Variants in NUP98 observed in about 807,000 individuals in gnomAD.
NUP98 encodes the protein nucleoporin 98 and 96 precursor, also known as nuclear pore complex protein Nup98-Nup96.
In NUP98, 26 loss-of-function variants were observed where a neutral mutation model predicts 191.9. That is an observed-to-expected ratio of 0.14 (90% CI 0.10 to 0.19). The LOEUF (loss-of-function observed/expected upper bound fraction) is 0.19, where lower values mean the gene tolerates loss of function less well. Ranked by LOEUF, NUP98 falls within the 10% of genes least tolerant of loss-of-function variation. NUP98 has a pLI of 1.00. For missense variants in NUP98, 1,941 were observed against 2,178.8 expected, an observed-to-expected ratio of 0.89 and a Z score of 2.17; for synonymous variants, 808 against 778.4, an observed-to-expected ratio of 1.04 and a Z score of -0.63.
At chr11:3,712,842 C>A in intron 19 of NUP98, 114 bp from the exon 20 acceptor site, 1 of 1,142,318 alleles carries the variant, frequency 8.8e-7, no homozygotes, top group South Asian at 1.5e-5. Context: ...GGAGAAATAT[C>A]TAAGTATTTA....
At chr11:3,768,832 G>T in intron 7 of NUP98, 88 bp from the exon 8 acceptor site, 1 of 1,040,200 alleles carries the variant, frequency 9.6e-7, no homozygotes, top group Non-Finnish European at 1.3e-6. Flanking sequence ...TTATCCAGTT[G>T]TTGTAATAGT....
chr11:3,756,568 A>G (rs1271786007), intron 10 of NUP98, among the ~76,000 whole-genome samples: 1 of 151,878 alleles, frequency 6.6e-6, no homozygotes. Flanking sequence ...GATTACAGGC[A>G]TGCACCACCA....
intron 13 of NUP98, among the ~76,000 whole-genome samples, chr11:3,732,320 T>G (rs909817822): frequency 2.6e-5 from 4 of 152,242 alleles, no homozygotes; most frequent in Non-Finnish European, 5.9e-5. Flanking sequence ...CATATTAATA[T>G]ATCTTGTCCA....
chr11:3,796,894 T>A (rs1451975572), intron 1 of NUP98, among the ~76,000 whole-genome samples: 1 of 152,226 alleles, frequency 6.6e-6, no homozygotes, highest in Non-Finnish European at 1.5e-5. Context: ...AACCTTTTGC[T>A]CCACCGAACC....
intron 25 of NUP98, among the ~76,000 whole-genome samples, chr11:3,698,308 T>C (rs867198649): frequency 2.0e-5 from 3 of 152,212 alleles, no homozygotes; most frequent in Middle Eastern, 3.2e-3. Flanking sequence ...CAGTGAGTAG[T>C]AGTCACAGGA....
intron 5 of NUP98, among the ~76,000 whole-genome samples, chr11:3,775,272 G>C (rs1181136044): frequency 6.6e-6 from 1 of 152,182 alleles, no homozygotes; most frequent in Non-Finnish European, 1.5e-5. Flanking sequence ...GCTCATGCCT[G>C]TAATCCCAAC....
chr11:3,702,339 T>C lies in NUP98; in HGVS notation c.3512+124A>G, dbSNP rs865918609. On this transcript the variant is annotated intron_variant, in intron 23 of 32. Transcript: ENST00000324932. The stretch of plus-strand genomic sequence containing the variant: ...CTCTCTCTCTCTCTCTCTCTCTCTC[T>C]CTCTCTCTCTCTCTCTCTCTCTCTC... 1.8e-5 allele frequency: 7 copies of C among 386,796 alleles called. No individual in the cohort carries two copies. The Admixed American group carries it at 1.9e-4, about 10-fold the overall frequency. 24.0% of individuals were successfully genotyped at this position (386,796 alleles called of 1,614,324 possible). A position where few individuals can be genotyped will look rare whatever the true frequency, so the allele number is the denominator to read the frequency against.
intron 20 of NUP98, 188 bp downstream of exon 20, chr11:3,712,376 C>A: frequency 7.2e-7 from 1 of 1,390,460 alleles, no homozygotes; most frequent in Non-Finnish European, 9.3e-7. Flanking sequence ...TTCTTTAAAT[C>A]TCTCCAGTAA....
intron 11 of NUP98, among the ~76,000 whole-genome samples, chr11:3,752,797 T>C (rs931894794): frequency 1.6e-4 from 24 of 152,148 alleles, no homozygotes; most frequent in African/African-American, 5.3e-4. Flanking sequence ...GCTGGGCAGG[T>C]AGAAGGGTCA....
chr11:3,756,693 A>T (rs562031358), intron 10 of NUP98, among the ~76,000 whole-genome samples: 1 of 152,172 alleles, frequency 6.6e-6, no homozygotes, highest in South Asian at 2.1e-4. Flanking sequence ...AAGTGCTGGG[A>T]TTACAGGCGT....
intron 16 of NUP98, among the ~76,000 whole-genome samples, chr11:3,722,925 A>C (rs2079458594): frequency 6.6e-6 from 1 of 152,190 alleles, no homozygotes; most frequent in Non-Finnish European, 1.5e-5. Flanking sequence ...TTTAGACTAC[A>C]CCAGGATAAT....
chr11:3,773,662 A>G lies in NUP98; in HGVS notation c.573T>C (p.Ala191=), dbSNP rs1332366971. The stretch of plus-strand genomic sequence containing the variant: ...GTGACTTGCTTTCATATTCTTTCAT[A>G]GCAGTAATACACTGGTGCTTGGTAC... ...NISTKHQCIT[A]MKEYESKSLE... Residue 191 remains alanine, a synonymous_variant, in exon 6 of 33, where the codon GCT becomes GCC. Coordinates refer to ENST00000324932, the MANE Select transcript of NUP98 (RefSeq NM_016320.5). 1.9e-6 allele frequency: 3 copies of G among 1,610,698 alleles called. No individual in the cohort carries two copies. The highest frequency in any genetic ancestry group is 2.5e-6 in the Non-Finnish European group (3 of 1,177,394).
In NUP98 at chr11:3,709,885, A is replaced by C. The variant is rs930525043; in HGVS notation, c.2742+2679T>G. Reference sequence around the variant, plus strand: ...TATACCTAATGCTAAATGACGAGTTAATGGGTGCAGCACAGCAGCATGGCA... The same window carrying C: ...TATACCTAATGCTAAATGACGAGTTCATGGGTGCAGCACAGCAGCATGGCA... On this transcript the variant is annotated intron_variant, in intron 20 of 32. Transcript: ENST00000324932. Among the ~76,000 whole-genome samples the C allele has an allele frequency of 6.7e-5, 10 of 148,944 alleles. No individual in the cohort carries two copies. In the East Asian group the frequency reaches 1.8e-3, roughly 27 times the overall value.
Position 3,740,177 on chromosome 11 carries a change from T to C in NUP98, c.1408+4332A>G, listed in dbSNP as rs141384485. On this transcript the variant is annotated intron_variant, in intron 12 of 32. Coordinates refer to ENST00000324932, the MANE Select transcript of NUP98 (RefSeq NM_016320.5). ...GTCTAGGGACTTCAGAATACCAGGTTTGATGAAGTAGAATTGAAAACAGGA... is the reference window on the plus strand; with the variant it reads ...GTCTAGGGACTTCAGAATACCAGGTCTGATGAAGTAGAATTGAAAACAGGA... 1.2e-3 allele frequency among the ~76,000 whole-genome samples: 188 copies of C among 152,104 alleles called. 2 individuals are homozygous for C. The highest frequency in any genetic ancestry group is 4.3e-3 in the African/African-American group (179 of 41,484).
At chr11:3,761,771 CAAAACAAAACAA>C (rs59690711) in intron 9 of NUP98, among the ~76,000 whole-genome samples, 2,826 of 151,512 alleles carry the variant, frequency 0.019, 86 homozygotes, top group African/African-American at 0.065. Context: ...AAAAACAAAA[CAAAACAAAACAA>C]AAAACAAAAC....
In NUP98 at chr11:3,775,406, G is replaced by A. The variant is rs150524556; in HGVS notation, c.495+476C>T. On this transcript the variant is annotated intron_variant, in intron 5 of 32. Coordinates refer to ENST00000324932, the MANE Select transcript of NUP98 (RefSeq NM_016320.5). ...AAAAAATTAGCTGGGTATGGTGGTG[G>A]ACTCTTGTAATCACAGCTACTCAGG... Among the ~76,000 whole-genome samples, 30 of 152,064 alleles carry A rather than the reference G, an allele frequency of 2.0e-4. No homozygotes were observed. The East Asian group carries it at 5.4e-3, about 27-fold the overall frequency.
chr11:3,758,036 G>A (rs1358493000), intron 10 of NUP98, among the ~76,000 whole-genome samples: 1 of 151,000 alleles, frequency 6.6e-6, no homozygotes, highest in African/African-American at 2.4e-5. Flanking sequence ...AGAAAAAACA[G>A]GCCAGGCGTG....
chr11:3,759,188 A>C lies in NUP98; in HGVS notation c.1174+1351T>G, dbSNP rs1030720591. Among the ~76,000 whole-genome samples the C allele has an allele frequency of 1.1e-4, 16 of 152,228 alleles. 1 individual carries two copies. The highest frequency in any genetic ancestry group is 3.9e-4 in the African/African-American group (16 of 41,462). ...GTGCCTAGTGATGTATCTGGCACAC[A>C]AAATCCTCAAGAAATACTTGAACCA... On this transcript the variant is annotated intron_variant, in intron 10 of 32. Coordinates refer to ENST00000324932, the MANE Select transcript of NUP98 (RefSeq NM_016320.5).
At chr11:3,698,309 A>C (rs2078574301) in intron 25 of NUP98, among the ~76,000 whole-genome samples, 1 of 152,242 alleles carries the variant, frequency 6.6e-6, no homozygotes, top group African/African-American at 2.4e-5. Flanking sequence ...AGTGAGTAGT[A>C]GTCACAGGAT....
Sources: allele counts gnomAD v4.1 joint callset (sites outside exome capture counted in the v4.1 genomes callset), GRCh38; gene constraint gnomAD v4.1.1; transcripts MANE v1.5; gene names NCBI Gene and HGNC (gene_info 2026-07-23, HGNC 2026-07-21).